The following TANGO6 variants were observed in gnomAD, a reference collection of about 807,000 sequenced individuals.
TANGO6 encodes transport and golgi organization 6 homolog, also known as transport and Golgi organization protein 6 homolog.
In TANGO6, 90 loss-of-function variants were observed where a neutral mutation model predicts 114.2. That is an observed-to-expected ratio of 0.79 (90% CI 0.66 to 0.94). The LOEUF is 0.94. Ranked by LOEUF, TANGO6 falls within the 40% of genes least tolerant of loss-of-function variation. The pLI is 0.00. For missense variants in TANGO6, 1,274 were observed against 1,315.3 expected (o/e 0.97, Z 0.49); for synonymous variants, 477 against 509.8 (o/e 0.94, Z 0.87).
At chr16:68,920,441 A>C (rs1963073660) in intron 12 of TANGO6, among the ~76,000 whole-genome samples, 1 of 152,214 alleles carries the variant, frequency 6.6e-6, no homozygotes, top group Admixed American at 6.5e-5. Context: ...CAAGGGGAAG[A>C]GCATGCCTGC....
chr16:69,004,235 G>C (rs1292465307), intron 15 of TANGO6, among the ~76,000 whole-genome samples: 1 of 152,050 alleles, frequency 6.6e-6, no homozygotes, highest in Non-Finnish European at 1.5e-5. Context: ...CGTAAACACA[G>C]CTAGACATGT....
chr16:69,016,693 G>A (rs1040777746), intron 15 of TANGO6, among the ~76,000 whole-genome samples: 1 of 151,856 alleles, frequency 6.6e-6, no homozygotes, highest in African/African-American at 2.4e-5. Flanking sequence ...TTGAGATGGA[G>A]TCTCTACCCA....
intron 14 of TANGO6, among the ~76,000 whole-genome samples, chr16:68,954,883 A>AT (rs1303673592): frequency 5.3e-5 from 8 of 152,168 alleles, no homozygotes; most frequent in African/African-American, 1.7e-4. Flanking sequence ...AACTCAGGTG[A>AT]TTTTTATTTT....
At chr16:68,859,279 T>G (rs1170528590) in intron 1 of TANGO6, among the ~76,000 whole-genome samples, 2 of 152,198 alleles carry the variant, frequency 1.3e-5, no homozygotes, top group African/African-American at 4.8e-5. Context: ...CCAGCGATCC[T>G]CCCACCTCAG....
intron 17 of TANGO6, among the ~76,000 whole-genome samples, chr16:69,064,412 G>A (rs1248519967): frequency 6.6e-6 from 1 of 152,162 alleles, no homozygotes; most frequent in Non-Finnish European, 1.5e-5. Context: ...GAGCAAGCCT[G>A]AGGTGATTCA....
At chr16:68,955,230 A>G (rs1963518069) in intron 14 of TANGO6, among the ~76,000 whole-genome samples, 1 of 152,238 alleles carries the variant, frequency 6.6e-6, no homozygotes, top group African/African-American at 2.4e-5. Flanking sequence ...CCAGACCATA[A>G]TAATAACTTC....
intron 14 of TANGO6, chr16:68,973,268 A>G (rs1399820909): frequency 2.5e-6 from 1 of 399,768 alleles, no homozygotes; most frequent in Non-Finnish European, 4.9e-6. Context: ...TTCCTTCTTT[A>G]CTTTTTTTCT....
Position 68,940,326 on chromosome 16 carries a change from C to T in TANGO6, c.2701+10031C>T, listed in dbSNP as rs138855882. Among the ~76,000 whole-genome samples, 188 of 152,110 alleles carry T rather than the reference C, an allele frequency of 1.2e-3. 2 individuals are homozygous for T. Among genetic ancestry groups the T allele is most frequent in the Non-Finnish European group, 2.0e-3 (137 of 67,998 alleles). ...TCGGCCTCTCAAAGTGTTGGGATTACAGACATGAGCCACCAAGCCTAGTCC... is the reference window on the plus strand; with the variant it reads ...TCGGCCTCTCAAAGTGTTGGGATTATAGACATGAGCCACCAAGCCTAGTCC... On this transcript the variant is annotated intron_variant, in intron 14 of 17. Transcript: ENST00000261778.
chr16:68,988,406 C>T (rs1256524065), intron 15 of TANGO6, among the ~76,000 whole-genome samples: 1 of 152,182 alleles, frequency 6.6e-6, no homozygotes, highest in Non-Finnish European at 1.5e-5. Context: ...GGCTCCTCCC[C>T]CACTAACAGA....
At chr16:68,992,967 G>A (rs1264785110) in intron 15 of TANGO6, among the ~76,000 whole-genome samples, 3 of 152,068 alleles carry the variant, frequency 2.0e-5, no homozygotes, top group East Asian at 3.9e-4. Flanking sequence ...TACTCTGGAG[G>A]CTGAGGCAGG....
At chr16:69,015,665 T>C (rs1455819663) in intron 15 of TANGO6, among the ~76,000 whole-genome samples, 3 of 151,814 alleles carry the variant, frequency 2.0e-5, no homozygotes, top group African/African-American at 7.3e-5. Flanking sequence ...GTATTTTTAA[T>C]AGAGACCGGG....
At chr16:69,015,464 T>TTTATTTATTTA (rs1555528107) in intron 15 of TANGO6, among the ~76,000 whole-genome samples, 2 of 143,868 alleles carry the variant, frequency 1.4e-5, no homozygotes, top group Admixed American at 7.1e-5. Flanking sequence ...GCTCATTTTA[T>TTTATTTATTTA]TTTATTTATT....
intron 3 of TANGO6, among the ~76,000 whole-genome samples, chr16:68,864,347 G>T (rs1190963735): frequency 6.6e-6 from 1 of 152,148 alleles, no homozygotes; most frequent in Non-Finnish European, 1.5e-5. Context: ...GCTGAGGCAG[G>T]AGGATCACTT....
intron 17 of TANGO6, among the ~76,000 whole-genome samples, chr16:69,079,026 T>C (rs912047648): frequency 1.2e-4 from 18 of 149,764 alleles, no homozygotes; most frequent in Non-Finnish European, 2.5e-4. Context: ...GGAGACTTGG[T>C]CTCAAAAATA....
intron 16 of TANGO6, among the ~76,000 whole-genome samples, chr16:69,023,898 T>G (rs1215834564): frequency 6.6e-6 from 1 of 151,642 alleles, no homozygotes. Context: ...GGTTTTAGAG[T>G]TTTTTATTAT....
intron 7 of TANGO6, among the ~76,000 whole-genome samples, chr16:68,881,848 C>A (rs576748248): frequency 1.3e-5 from 2 of 152,094 alleles, no homozygotes; most frequent in East Asian, 3.9e-4. Flanking sequence ...GATAAATATT[C>A]TTTAAAGTTT....
At chr16:68,999,548 T>C (rs1964021051) in intron 15 of TANGO6, among the ~76,000 whole-genome samples, 1 of 152,212 alleles carries the variant, frequency 6.6e-6, no homozygotes, top group Admixed American at 6.5e-5. Flanking sequence ...CTTATTCAAA[T>C]AACAACATTG....
At chr16:69,024,727 A>G (rs1036414452) in intron 16 of TANGO6, among the ~76,000 whole-genome samples, 1 of 152,216 alleles carries the variant, frequency 6.6e-6, no homozygotes, top group Non-Finnish European at 1.5e-5. Flanking sequence ...TTTACTACCA[A>G]TGTACATGAC....
chr16:68,851,348 CAG>C, intron 1 of TANGO6, among the ~76,000 whole-genome samples: 1 of 152,118 alleles, frequency 6.6e-6, no homozygotes, highest in South Asian at 2.1e-4. Flanking sequence ...TTAGTAGAGA[CAG>C]GGTTTCACCA....
Sources: allele counts gnomAD v4.1 joint callset (sites outside exome capture counted in the v4.1 genomes callset), GRCh38; gene constraint gnomAD v4.1.1; transcripts MANE v1.5; gene names NCBI Gene and HGNC (gene_info 2026-07-23, HGNC 2026-07-21).